MAP3K7CL: variants seen among roughly 807,000 people sequenced by gnomAD.
The protein encoded by MAP3K7CL is MAP3K7 C-terminal like, also known as MAP3K7 C-terminal-like protein.
In MAP3K7CL, 16 loss-of-function variants were observed where a neutral mutation model predicts 18.6. That is an observed-to-expected ratio of 0.86 (90% CI 0.58 to 1.31). MAP3K7CL has a LOEUF of 1.31. MAP3K7CL is among the 50% of genes most tolerant of loss of function. The pLI, the probability that MAP3K7CL is intolerant of heterozygous loss-of-function variation, is 0.00. For synonymous variants in MAP3K7CL, 65 were observed against 66.8 expected, an observed-to-expected ratio of 0.97 and a Z score of 0.13; for missense variants, 163 against 174.4, an observed-to-expected ratio of 0.93 and a Z score of 0.37.
At chr21:29,167,117 T>C (rs560427223) in intron 4 of MAP3K7CL, among the ~76,000 whole-genome samples, 44 of 152,384 alleles carry the variant, frequency 2.9e-4, no homozygotes, top group Middle Eastern at 6.8e-3. Context: ...CAATATGTCA[T>C]TGTGGTTTTG....
At chr21:29,086,443 G>A (rs932312036) in intron 1 of MAP3K7CL, among the ~76,000 whole-genome samples, 55 of 152,314 alleles carry the variant, frequency 3.6e-4, no homozygotes, top group Non-Finnish European at 8.8e-5. Context: ...TTGGAAAACA[G>A]AAAGTCCGCT....
At chr21:29,152,464 T>C (rs1006266066) in intron 3 of MAP3K7CL, among the ~76,000 whole-genome samples, 2 of 152,204 alleles carry the variant, frequency 1.3e-5, no homozygotes, top group Non-Finnish European at 2.9e-5. Context: ...TTATCGACTA[T>C]CATCATCCAC....
At chr21:29,111,648 A>G (rs2086422351) in intron 4 of MAP3K7CL, among the ~76,000 whole-genome samples, 2 of 152,182 alleles carry the variant, frequency 1.3e-5, no homozygotes, top group Non-Finnish European at 2.9e-5. Context: ...GTAGGGAGAC[A>G]GCCTTTCTTC....
intron 2 of MAP3K7CL, among the ~76,000 whole-genome samples, chr21:29,136,149 TAGTC>T (rs2146639451): frequency 6.6e-6 from 1 of 152,334 alleles, no homozygotes; most frequent in East Asian, 1.9e-4. Context: ...TTTCAAAGAA[TAGTC>T]AGGGCCCAGG....
intron 4 of MAP3K7CL, among the ~76,000 whole-genome samples, chr21:29,120,429 G>C (rs1188845109): frequency 6.6e-6 from 1 of 152,118 alleles, no homozygotes; most frequent in African/African-American, 2.4e-5. Context: ...TTGAAACTTT[G>C]TAAGTCTCAG....
At chr21:29,082,328 C>G (rs903119085), upstream of MAP3K7CL, among the ~76,000 whole-genome samples, 3 of 152,162 alleles carry the variant, frequency 2.0e-5, no homozygotes, top group Admixed American at 6.5e-5. Flanking sequence ...CTTCTTATTT[C>G]TCACAAAATA....
At chr21:29,096,075 G>T (rs2086116575) in intron 4 of MAP3K7CL, among the ~76,000 whole-genome samples, 1 of 152,222 alleles carries the variant, frequency 6.6e-6, no homozygotes. Flanking sequence ...TGGATTAGGA[G>T]TTGAAAGTCA....
chr21:29,168,754 A>G (rs2087752911), intron 4 of MAP3K7CL, among the ~76,000 whole-genome samples: 1 of 152,196 alleles, frequency 6.6e-6, no homozygotes. Context: ...GGTCATTGCC[A>G]AGATCTGATT....
intron 4 of MAP3K7CL, among the ~76,000 whole-genome samples, chr21:29,114,834 A>G (rs186918138): frequency 3.0e-4 from 45 of 152,312 alleles, no homozygotes; most frequent in Non-Finnish European, 2.6e-4. Context: ...CTTGAGCTCA[A>G]ATATTCTAGT....
At chr21:29,084,040 ATAT>A (rs2085883566), upstream of MAP3K7CL, among the ~76,000 whole-genome samples, 1 of 148,008 alleles carries the variant, frequency 6.8e-6, no homozygotes, top group East Asian at 1.9e-4. Context: ...ATATAATTAT[ATAT>A]AATATTATAT....
intron 4 of MAP3K7CL, chr21:29,109,432 TA>T (rs2086381664): frequency 9.6e-6 from 12 of 1,250,366 alleles, no homozygotes; most frequent in Non-Finnish European, 1.2e-5. Context: ...AGTATTTCAC[TA>T]AGTGTGAGAC....
chr21:29,123,545 A>T (rs1267585743), intron 4 of MAP3K7CL, among the ~76,000 whole-genome samples: 1 of 152,250 alleles, frequency 6.6e-6, no homozygotes, highest in Non-Finnish European at 1.5e-5. Context: ...TTTCTTTAAC[A>T]AATAAATTTG....
At chr21:29,112,999 G>A (rs1007955055) in intron 4 of MAP3K7CL, among the ~76,000 whole-genome samples, 2 of 152,110 alleles carry the variant, frequency 1.3e-5, no homozygotes, top group Non-Finnish European at 2.9e-5. Flanking sequence ...TAGTAGAGAC[G>A]GGTTTTGCCA....
intron 2 of MAP3K7CL, among the ~76,000 whole-genome samples, chr21:29,148,525 A>G (rs2087196650): frequency 6.6e-6 from 1 of 152,186 alleles, no homozygotes; most frequent in South Asian, 2.1e-4. Flanking sequence ...CCTATTGCCA[A>G]CCAGTCAACG....
intron 4 of MAP3K7CL, among the ~76,000 whole-genome samples, 169 bp from the exon 5 acceptor site, chr21:29,174,543 T>C (rs1184492118): frequency 1.3e-5 from 2 of 152,168 alleles, no homozygotes; most frequent in Non-Finnish European, 2.9e-5. Context: ...TAAAGGGATA[T>C]AAAATTTGCA....
At chr21:29,120,778 G>C (rs1290098164) in intron 4 of MAP3K7CL, among the ~76,000 whole-genome samples, 1 of 148,126 alleles carries the variant, frequency 6.8e-6, no homozygotes, top group African/African-American at 2.5e-5. Flanking sequence ...ATCAATTTGA[G>C]GAATAGGCTG....
upstream of MAP3K7CL, among the ~76,000 whole-genome samples, chr21:29,127,087 A>G (rs2146607624): frequency 6.6e-6 from 1 of 152,216 alleles, no homozygotes; most frequent in East Asian, 1.9e-4. Context: ...TTTGAGAAAC[A>G]CTAGCCTGGA....
intron 1 of MAP3K7CL, among the ~76,000 whole-genome samples, chr21:29,091,034 G>A (rs950376060): frequency 1.3e-5 from 2 of 151,308 alleles, no homozygotes; most frequent in African/African-American, 4.9e-5. Context: ...TACTTTTTTT[G>A]GTACCAAATC....
intron 4 of MAP3K7CL, among the ~76,000 whole-genome samples, chr21:29,101,090 C>G (rs903941424): frequency 6.6e-6 from 1 of 151,682 alleles, no homozygotes; most frequent in African/African-American, 2.4e-5. Flanking sequence ...CATGAGCTAC[C>G]GCGCGTGGCC....
Sources: gnomAD v4.1 joint callset for allele counts (sites outside exome capture counted in the v4.1 genomes callset) on GRCh38, gnomAD v4.1.1 for gene constraint, MANE v1.5 for transcripts, NCBI Gene and HGNC (gene_info 2026-07-23, HGNC 2026-07-21) for gene names.